Variants in DNM3 observed in about 807,000 individuals in gnomAD.
The protein encoded by DNM3 is dynamin-3.
A neutral mutation model predicts 101.6 loss-of-function variants in DNM3; 47 were observed. That is an observed-to-expected ratio of 0.46 (90% CI 0.37 to 0.59). The LOEUF is 0.59. Ranked by LOEUF, DNM3 falls within the 20% of genes least tolerant of loss-of-function variation. DNM3 has a pLI of 0.00. For synonymous variants in DNM3, 385 were observed against 387.9 expected, an observed-to-expected ratio of 0.99 and a Z score of 0.09; for missense variants, 849 against 1,085.7, an observed-to-expected ratio of 0.78 and a Z score of 3.06.
At chr1:171,917,942 A>G (rs2039851093) in intron 1 of DNM3, among the ~76,000 whole-genome samples, 1 of 152,204 alleles carries the variant, frequency 6.6e-6, no homozygotes, top group Admixed American at 6.5e-5. Context: ...ATACAATTCA[A>G]TTGGATGGTG....
At chr1:172,355,036 G>A (rs886663769) in intron 17 of DNM3, among the ~76,000 whole-genome samples, 1 of 152,126 alleles carries the variant, frequency 6.6e-6, no homozygotes, top group African/African-American at 2.4e-5. Context: ...CATTTGTATA[G>A]GTTCCTCATT....
At chr1:171,990,181 C>T (rs2045543486) in intron 4 of DNM3, among the ~76,000 whole-genome samples, 1 of 152,078 alleles carries the variant, frequency 6.6e-6, no homozygotes, top group African/African-American at 2.4e-5. Flanking sequence ...CTTTTGTAAT[C>T]TACATTGTCT....
intron 13 of DNM3, among the ~76,000 whole-genome samples, chr1:172,117,861 G>A (rs534784564): frequency 2.0e-5 from 3 of 152,310 alleles, no homozygotes; most frequent in African/African-American, 7.2e-5. Context: ...GTTAGAAGTT[G>A]TGAAGTGTGT....
intron 17 of DNM3, among the ~76,000 whole-genome samples, chr1:172,341,643 A>AT (rs1197410383): frequency 2.0e-5 from 3 of 152,204 alleles, no homozygotes; most frequent in African/African-American, 7.2e-5. Flanking sequence ...AGGACTCCCT[A>AT]TTCCCTAACT....
At chr1:172,109,622 G>T (rs2055310180) in intron 13 of DNM3, among the ~76,000 whole-genome samples, 1 of 152,176 alleles carries the variant, frequency 6.6e-6, no homozygotes, top group African/African-American at 2.4e-5. Context: ...AATTACAGAT[G>T]CAAAGCCTCG....
intron 14 of DNM3, among the ~76,000 whole-genome samples, chr1:172,193,481 A>T (rs514864): frequency 5.9e-5 from 9 of 151,836 alleles, no homozygotes. Context: ...CTGTGAATCC[A>T]TCTGGTCCTG....
chr1:172,140,047 T>C (rs368046327), intron 14 of DNM3: 121 of 152,194 alleles, frequency 8.0e-4, no homozygotes, highest in African/African-American at 2.5e-3. Flanking sequence ...AATTAGACAT[T>C]TTCTCAAAGA....
At chr1:172,123,601 C>G (rs1191660370) in intron 13 of DNM3, among the ~76,000 whole-genome samples, 1 of 152,158 alleles carries the variant, frequency 6.6e-6, no homozygotes, top group Non-Finnish European at 1.5e-5. Context: ...AGCATACACC[C>G]TCTGTGGGCA....
intron 2 of DNM3, among the ~76,000 whole-genome samples, chr1:171,923,564 T>C (rs1160496733): frequency 6.6e-6 from 1 of 152,170 alleles, no homozygotes; most frequent in Non-Finnish European, 1.5e-5. Context: ...TGTATATATC[T>C]AAGAATCCTT....
intron 5 of DNM3, among the ~76,000 whole-genome samples, chr1:172,032,869 G>A (rs983827092): frequency 2.0e-5 from 3 of 152,008 alleles, no homozygotes; most frequent in Non-Finnish European, 4.4e-5. Context: ...CTCTTAAAAT[G>A]TACACAGTTT....
Position 172,236,984 on chromosome 1 carries a change from T to G in DNM3, c.1660-16589T>G, listed in dbSNP as rs553713687. ...TCCTGTTTTATTAAGGGCCGAACATTATTGTATCGTTTCGCCAATATTTCT... is the reference window on the plus strand; with the variant it reads ...TCCTGTTTTATTAAGGGCCGAACATGATTGTATCGTTTCGCCAATATTTCT... On this transcript the variant is annotated intron_variant, in intron 14 of 20. Coordinates refer to ENST00000627582, the MANE Select transcript of DNM3 (RefSeq NM_015569.5). 5.3e-5 allele frequency among the ~76,000 whole-genome samples: 8 copies of G among 152,276 alleles called. No individual in the cohort carries two copies. The South Asian group carries it at 1.4e-3, about 28-fold the overall frequency.
intron 17 of DNM3, among the ~76,000 whole-genome samples, chr1:172,339,342 A>G (rs74124061): frequency 4.6e-5 from 7 of 152,290 alleles, no homozygotes; most frequent in African/African-American, 1.2e-4. Context: ...TTTCTCACCA[A>G]TATGTTTCTA....
intron 1 of DNM3, among the ~76,000 whole-genome samples, chr1:171,880,519 C>A (rs375272825): frequency 6.6e-6 from 1 of 151,978 alleles, no homozygotes. Context: ...GCATAAGCAA[C>A]GTTAGTTGAA....
chr1:171,883,542 G>T (rs1024111595), intron 1 of DNM3, among the ~76,000 whole-genome samples: 1 of 151,668 alleles, frequency 6.6e-6, no homozygotes, highest in African/African-American at 2.4e-5. Flanking sequence ...CGCGATCTCG[G>T]CTCACTGCAA....
chr1:171,921,730 A>ATTTC lies in DNM3; in HGVS notation c.162-15_162-12dup. ...AGAATTCCTTCATGCCTTAATCTGT[A>ATTTC]TTTCTTACTTTTTTTAGGGACTTTC... On this transcript the variant is annotated splice_polypyrimidine_tract_variant and intron_variant, in intron 1 of 20. Coordinates refer to ENST00000627582, the MANE Select transcript of DNM3 (RefSeq NM_015569.5). The ATTTC allele has an allele frequency of 1.3e-6, 2 of 1,565,370 alleles. No individual in the cohort carries two copies. The highest frequency in any genetic ancestry group is 1.7e-6 in the Non-Finnish European group (2 of 1,152,792).
intron 13 of DNM3, among the ~76,000 whole-genome samples, chr1:172,113,824 C>T (rs544890780): frequency 1.7e-4 from 26 of 152,160 alleles, no homozygotes; most frequent in African/African-American, 5.8e-4. Context: ...CCCTGATAGG[C>T]CAATCTCAAT....
intron 14 of DNM3, among the ~76,000 whole-genome samples, chr1:172,158,517 A>G (rs1047536310): frequency 6.6e-6 from 1 of 151,464 alleles, no homozygotes; most frequent in Non-Finnish European, 1.5e-5. Flanking sequence ...GACAGTGTGC[A>G]GTGAGAAGAG....
chr1:171,939,344 C>T (rs2041664400), intron 2 of DNM3, among the ~76,000 whole-genome samples: 1 of 152,032 alleles, frequency 6.6e-6, no homozygotes, highest in African/African-American at 2.4e-5. Context: ...GTAGAATTAC[C>T]ACTCATGATT....
At chr1:172,403,003 C>T (rs1265524529) in intron 20 of DNM3, among the ~76,000 whole-genome samples, 1 of 152,188 alleles carries the variant, frequency 6.6e-6, no homozygotes, top group African/African-American at 2.4e-5. Flanking sequence ...TATCCCACCA[C>T]ATTAGAAATG....
Sources: gnomAD v4.1 joint callset for allele counts (sites outside exome capture counted in the v4.1 genomes callset) on GRCh38, gnomAD v4.1.1 for gene constraint, MANE v1.5 for transcripts, NCBI Gene and HGNC (gene_info 2026-07-23, HGNC 2026-07-21) for gene names.